Variants in VPS13B observed in about 807,000 individuals in gnomAD.
The protein encoded by VPS13B is intermembrane lipid transfer protein VPS13B.
Under a neutral mutation model 426.4 loss-of-function variants are expected in VPS13B, and 285 were observed. The observed-to-expected ratio is 0.67, with a 90% CI of 0.61 to 0.74. VPS13B has a LOEUF of 0.74. Ranked by LOEUF, VPS13B falls within the 30% of genes least tolerant of loss-of-function variation. The pLI is 0.00. For synonymous variants in VPS13B, 1,676 were observed against 1,676.4 expected (o/e 1.00, Z 0.01); for missense variants, 4,537 against 4,782.6 (o/e 0.95, Z 1.51).
At chr8:99,085,213 T>C (rs1489607439) in intron 3 of VPS13B, among the ~76,000 whole-genome samples, 1 of 152,194 alleles carries the variant, frequency 6.6e-6, no homozygotes, top group East Asian at 1.9e-4. Context: ...TGTAATGGCC[T>C]TCTTTGTCTC....
At chr8:99,048,608 A>T (rs1487363345) in intron 3 of VPS13B, among the ~76,000 whole-genome samples, 2 of 152,082 alleles carry the variant, frequency 1.3e-5, no homozygotes, top group African/African-American at 4.8e-5. Context: ...AGTGGTCGGG[A>T]GTTTGAGACC....
chr8:99,149,433 T>G (rs1810932988), intron 14 of VPS13B, among the ~76,000 whole-genome samples: 1 of 152,192 alleles, frequency 6.6e-6, no homozygotes, highest in Non-Finnish European at 1.5e-5. Flanking sequence ...CTTTCCTGTC[T>G]CAGGCTTCTG....
intron 33 of VPS13B, among the ~76,000 whole-genome samples, chr8:99,607,096 A>G (rs1056843616): frequency 3.3e-5 from 5 of 152,228 alleles, no homozygotes; most frequent in East Asian, 3.8e-4. Flanking sequence ...TGTAAAAAAC[A>G]CAGTATCTGT....
chr8:99,113,463 T>C (rs10092190), intron 6 of VPS13B, among the ~76,000 whole-genome samples: 125,858 of 152,230 alleles, frequency 0.83, 52,508 homozygotes, highest in South Asian at 0.89. Flanking sequence ...GACCCATCAT[T>C]CTTCCAAGTC....
chr8:99,616,828 T>G (rs1306502765), intron 33 of VPS13B, among the ~76,000 whole-genome samples: 1 of 152,196 alleles, frequency 6.6e-6, no homozygotes, highest in African/African-American at 2.4e-5. Flanking sequence ...TAAATCTGTC[T>G]CTAGACAAAA....
chr8:99,458,614 A>G (rs1479607398), intron 23 of VPS13B, among the ~76,000 whole-genome samples: 8 of 152,116 alleles, frequency 5.3e-5, no homozygotes, highest in African/African-American at 1.7e-4. Flanking sequence ...TGCCATTCTA[A>G]CTGGTGTGAG....
At position 99,819,935 on chromosome 8, in the gene VPS13B, G is replaced by C; in HGVS notation, c.8807G>C (p.Ser2936Thr). Residue 2936 changes from serine (S) to threonine (T), a missense_variant, in exon 49 of 62, where the codon AGT becomes ACT. Physicochemically the swap from Ser to Thr is moderately conservative, Grantham distance 58. This residue lies in a region of VPS13B where 4,311 missense variants were observed against 4,474.3 expected (regional missense o/e 0.96). Coordinates refer to ENST00000357162, the MANE Select transcript of VPS13B (RefSeq NM_152564.5). ...KKDSDRNEQL[S>T]QWDSPMRVKL... The stretch of plus-strand genomic sequence containing the variant: ...TTTTGGAACAGGAATGAACAGCTAA[G>C]TCAGTGGGATAGCCCAATGCGAGTG... 1 of 1,613,960 alleles carries C rather than the reference G, an allele frequency of 6.2e-7. No individual in the cohort carries two copies.
Position 99,577,635 on chromosome 8 carries a change from T to C in VPS13B, c.5220+2T>C. ...GAACCATCAAACAAGGCTGCAGAGG[T>C]AACTGTTACCTGATTTTGATCAGGC... is the stretch of plus-strand genomic sequence containing the variant. On this transcript the variant is annotated splice_donor_variant, in intron 33 of 61. Transcript: ENST00000357162. LOFTEE classifies it high-confidence loss of function. 1.2e-6 allele frequency: 2 copies of C among 1,613,390 alleles called. No individual in the cohort carries two copies. The highest frequency in any genetic ancestry group is 2.2e-5 in the East Asian group (1 of 44,846).
intron 15 of VPS13B, among the ~76,000 whole-genome samples, chr8:99,161,026 A>G (rs972626627): frequency 2.6e-5 from 4 of 152,184 alleles, no homozygotes; most frequent in African/African-American, 7.2e-5. Flanking sequence ...TGGGGCCATT[A>G]TTTTAGTGAT....
At chr8:99,472,493 GA>G in intron 24 of VPS13B, among the ~76,000 whole-genome samples, 1 of 149,624 alleles carries the variant, frequency 6.7e-6, no homozygotes, top group East Asian at 2.0e-4. Context: ...TGGGAAATTA[GA>G]AAATATTGAA....
At chr8:99,662,233 C>T (rs779416520) in intron 35 of VPS13B, among the ~76,000 whole-genome samples, 2 of 151,888 alleles carry the variant, frequency 1.3e-5, no homozygotes, top group Non-Finnish European at 2.9e-5. Context: ...TTCTTTATTC[C>T]TCGATCTTCC....
intron 35 of VPS13B, among the ~76,000 whole-genome samples, chr8:99,671,551 A>T (rs186162248): frequency 6.6e-6 from 1 of 152,276 alleles, no homozygotes; most frequent in East Asian, 1.9e-4. Context: ...GTCCAGACCA[A>T]TATCATAGAG....
At chr8:99,356,983 T>C (rs745791505) in intron 19 of VPS13B, among the ~76,000 whole-genome samples, 5 of 152,194 alleles carry the variant, frequency 3.3e-5, no homozygotes, top group Non-Finnish European at 7.3e-5. Flanking sequence ...AAAATGTAAT[T>C]AATTTACTAG....
intron 33 of VPS13B, among the ~76,000 whole-genome samples, chr8:99,603,508 G>A (rs1439110601): frequency 6.6e-6 from 1 of 152,076 alleles, no homozygotes; most frequent in Admixed American, 6.5e-5. Flanking sequence ...TAAAATAAGG[G>A]TTACTTGAAC....
At chr8:99,122,692 A>G (rs900475727) in intron 8 of VPS13B, among the ~76,000 whole-genome samples, 1 of 152,226 alleles carries the variant, frequency 6.6e-6, no homozygotes, top group African/African-American at 2.4e-5. Flanking sequence ...AGCTGTGTCT[A>G]AGCATTGTTT....
intron 12 of VPS13B, among the ~76,000 whole-genome samples, chr8:99,139,089 A>G (rs1810244241): frequency 6.6e-6 from 1 of 152,224 alleles, no homozygotes; most frequent in African/African-American, 2.4e-5. Flanking sequence ...AACTTTTAAA[A>G]CAAAATATTG....
chr8:99,414,675 G>A (rs1815891170), intron 21 of VPS13B, among the ~76,000 whole-genome samples: 1 of 152,150 alleles, frequency 6.6e-6, no homozygotes, highest in African/African-American at 2.4e-5. Flanking sequence ...CTTCGCTTAT[G>A]AAGTTTACTT....
chr8:99,489,772 A>G (rs1038262746), intron 25 of VPS13B, among the ~76,000 whole-genome samples: 5 of 152,248 alleles, frequency 3.3e-5, no homozygotes, highest in South Asian at 4.1e-4. Flanking sequence ...AGACTTTGCC[A>G]AAGTTGCTTA....
chr8:99,344,425 G>C (rs745492944), intron 19 of VPS13B, among the ~76,000 whole-genome samples: 2 of 152,156 alleles, frequency 1.3e-5, no homozygotes, highest in Admixed American at 6.5e-5. Flanking sequence ...ATGTGTTTTC[G>C]AATTTCTCTT....
Sources: gnomAD v4.1 joint callset for allele counts (sites outside exome capture counted in the v4.1 genomes callset) on GRCh38, gnomAD v4.1.1 for gene constraint, gnomAD v4.1.1 regional missense constraint, MANE v1.5 for transcripts, NCBI Gene and HGNC (gene_info 2026-07-23, HGNC 2026-07-21) for gene names.